Variants in OLFML2A observed in about 807,000 individuals in gnomAD.
The protein encoded by OLFML2A is olfactomedin-like protein 2A.
OLFML2A carries 47 observed loss-of-function variants against 60.9 expected under a neutral mutation model. The observed-to-expected ratio is 0.77, with a 90% CI of 0.61 to 0.98. The LOEUF is 0.98. OLFML2A is among the 50% of genes least tolerant of loss of function. OLFML2A has a pLI of 0.00. For missense variants in OLFML2A, 922 were observed against 879.8 expected (o/e 1.05, Z -0.61); for synonymous variants, 372 against 375.0 (o/e 0.99, Z 0.09).
rs750733365 is a variant in OLFML2A, at chr9:124,784,943, G to GT, written c.91-2004dup. On this transcript the variant is annotated intron_variant, in intron 1 of 7. Coordinates refer to ENST00000373580, the MANE Select transcript of OLFML2A (RefSeq NM_182487.4). ...AATCAGTACTGCATTCCTTTTACTT[G>GT]TTTTTTTTTTTTTTTTTTTTTTTTT... 6.3e-3 allele frequency among the ~76,000 whole-genome samples: 439 copies of GT among 69,544 alleles called. 114 individuals carry two copies. The highest frequency in any genetic ancestry group is 0.012 in the Middle Eastern group (1 of 84). The allele number at this position is 69,544 out of a possible 152,430, so 45.6% of individuals were successfully genotyped here.
chr9:124,798,025 C>G (rs1024718019), intron 3 of OLFML2A, among the ~76,000 whole-genome samples: 3 of 152,070 alleles, frequency 2.0e-5, no homozygotes, highest in African/African-American at 7.2e-5. Context: ...GGAGAGGAGC[C>G]GGCACGGCCC....
At chr9:124,778,175 C>T (rs540869734) in intron 1 of OLFML2A, among the ~76,000 whole-genome samples, 1 of 151,438 alleles carries the variant, frequency 6.6e-6, no homozygotes, top group Non-Finnish European at 1.5e-5. Flanking sequence ...CTGGCTAACA[C>T]GGTGAAACCC....
chr9:124,797,977 G>T (rs1304732291), intron 3 of OLFML2A, among the ~76,000 whole-genome samples: 1 of 152,192 alleles, frequency 6.6e-6, no homozygotes, highest in African/African-American at 2.4e-5. Flanking sequence ...GGCAGGGAAG[G>T]AGAACAGCCC....
chr9:124,797,944 A>G (rs1305347466), intron 3 of OLFML2A, among the ~76,000 whole-genome samples: 2 of 152,220 alleles, frequency 1.3e-5, no homozygotes, highest in South Asian at 2.1e-4. Context: ...GCAAGGAGCC[A>G]GAGCCCCAGC....
rs186927508 is a variant in OLFML2A at position 124,800,321 on chromosome 9, G to C, written c.669+830G>C. 4.4e-3 allele frequency among the ~76,000 whole-genome samples: 677 copies of C among 152,322 alleles called. 6 individuals are homozygous for C. The highest frequency in any genetic ancestry group is 0.015 in the African/African-American group (614 of 41,574). On this transcript the variant is annotated intron_variant, in intron 4 of 7. Transcript: ENST00000373580. ...GTTCACACTGGCCTTGTGTTTTGGT[G>C]AGTGGCTGAAGAAGGGAGCTGACAT... is the stretch of plus-strand genomic sequence containing the variant.
In OLFML2A at chr9:124,805,808, GTTTTTTTTTTT is replaced by G. The variant is rs59555267; in HGVS notation, c.1168+1481_1168+1491del. Among the ~76,000 whole-genome samples the G allele has an allele frequency of 7.2e-3, 516 of 71,348 alleles. 5 individuals carry two copies. Among genetic ancestry groups the G allele is most frequent in the African/African-American group, 0.026 (487 of 18,664 alleles). 46.8% of individuals were successfully genotyped at this position (71,348 alleles called of 152,430 possible). On this transcript the variant is annotated intron_variant, in intron 6 of 7. Coordinates refer to ENST00000373580, the MANE Select transcript of OLFML2A (RefSeq NM_182487.4). ...TGTTGTTGTTGTTTTGGTTTTTTTG[GTTTTTTTTTTT>G]TTTTTTTTTTTTTTGAGACGGAGTC...
intron 1 of OLFML2A, among the ~76,000 whole-genome samples, chr9:124,778,275 G>A (rs1841296407): frequency 6.6e-6 from 1 of 151,926 alleles, no homozygotes; most frequent in Non-Finnish European, 1.5e-5. Flanking sequence ...GTAGGAGAAT[G>A]GCGTGAACCC....
intron 4 of OLFML2A, among the ~76,000 whole-genome samples, chr9:124,800,324 T>C (rs1841749773): frequency 6.6e-6 from 1 of 152,190 alleles, no homozygotes; most frequent in Non-Finnish European, 1.5e-5. Flanking sequence ...TTTTGGTGAG[T>C]GGCTGAAGAA....
intron 1 of OLFML2A, among the ~76,000 whole-genome samples, chr9:124,780,776 A>G (rs1188076178): frequency 6.6e-6 from 1 of 152,188 alleles, no homozygotes. Context: ...TACATGCAGA[A>G]TCTTACACAT....
At chr9:124,804,444 C>G in intron 6 of OLFML2A, 102 bp downstream of exon 6, 1 of 1,205,112 alleles carries the variant, frequency 8.3e-7, no homozygotes, top group South Asian at 1.5e-5. Context: ...CTTTTTATAG[C>G]TGAGCATGGT....
At chr9:124,806,447 T>C (rs1841898187) in intron 6 of OLFML2A, among the ~76,000 whole-genome samples, 1 of 152,028 alleles carries the variant, frequency 6.6e-6, no homozygotes, top group African/African-American at 2.4e-5. Flanking sequence ...GCAATCAAAA[T>C]TCAAGTATAC....
intron 1 of OLFML2A, 103 bp from the exon 2 acceptor site, chr9:124,786,872 C>A: frequency 7.9e-7 from 1 of 1,260,978 alleles, no homozygotes; most frequent in Non-Finnish European, 1.1e-6. Context: ...CACTCTCATC[C>A]CAAGGCTGGC....
chr9:124,778,150 G>A (rs1424362384), intron 1 of OLFML2A, among the ~76,000 whole-genome samples: 2 of 151,492 alleles, frequency 1.3e-5, no homozygotes, highest in Non-Finnish European at 2.9e-5. Flanking sequence ...ACAAGGTCAG[G>A]AGATCGAGAC....
chr9:124,786,876 G>C, intron 1 of OLFML2A, 99 bp from the exon 2 acceptor site: 1 of 1,300,932 alleles, frequency 7.7e-7, no homozygotes, highest in Admixed American at 1.9e-5. Flanking sequence ...CTCATCCCAA[G>C]GCTGGCTGGC....
At position 124,804,234 on chromosome 9, in the gene OLFML2A, A is replaced by T; in HGVS notation, c.1060A>T (p.Thr354Ser). 1 of 1,612,914 alleles carries T rather than the reference A, an allele frequency of 6.2e-7. No homozygotes were observed. Among genetic ancestry groups the T allele is most frequent in the Non-Finnish European group, 8.5e-7 (1 of 1,179,688 alleles). Residue 354 changes from threonine (T) to serine (S), a missense_variant, in exon 6 of 8, where the codon ACC (threonine) becomes TCC (serine). Transcript: ENST00000373580. ...CGAGCGAGTGGACCTGGCTTCTGGC[A>T]CCCCCACTTCAATCCCTGCCACCAC... The part of the protein sequence containing the change: ...SSERVDLASG[T>S]PTSIPATTTT...
chr9:124,786,757 C>G (rs1203978667), intron 1 of OLFML2A, among the ~76,000 whole-genome samples: 2 of 106,584 alleles, frequency 1.9e-5, no homozygotes, highest in African/African-American at 1.2e-4. Context: ...TAGACACACA[C>G]ACACACACAC....
Position 124,801,627 on chromosome 9 carries a change from A to G in OLFML2A, c.883A>G (p.Lys295Glu). Residue 295 changes from lysine (K) to glutamate (E), a missense_variant, in exon 5 of 8, where the codon AAG becomes GAG. Coordinates refer to ENST00000373580, the MANE Select transcript of OLFML2A (RefSeq NM_182487.4). ...TGTGATCCGGGGCTTCACCTACTAC[A>G]AGGCAGGCAAGCAGGAGGTGACCGA... ...QAVIRGFTYY[K>E]AGKQEVTEAV... The G allele has an allele frequency of 2.5e-6, 4 of 1,613,632 alleles. No individual in the cohort carries two copies. Among genetic ancestry groups the G allele is most frequent in the Non-Finnish European group, 3.4e-6 (4 of 1,179,932 alleles).
Position 124,777,716 on chromosome 9 carries a change from G to A in OLFML2A, c.90+356G>A, listed in dbSNP as rs1442031060. ...CTGTTACCCAACGACTCCCAGGCTT[G>A]CAGCAAGCCCTGGGCCACGGCTTTC... On this transcript the variant is annotated intron_variant, in intron 1 of 7. Transcript: ENST00000373580. The surrounding 1 kb of genome is among the most constrained non-coding windows in gnomAD (Gnocchi z 6.2). Among the ~76,000 whole-genome samples the A allele has an allele frequency of 6.6e-6, 1 of 152,134 alleles. No individual in the cohort carries two copies. The highest frequency in any genetic ancestry group is 2.4e-5 in the African/African-American group (1 of 41,436).
At chr9:124,783,486 G>T (rs1011654892) in intron 1 of OLFML2A, among the ~76,000 whole-genome samples, 2 of 152,094 alleles carry the variant, frequency 1.3e-5, no homozygotes. Context: ...ATAATAATAA[G>T]AAGAATACTT....
Sources: allele counts gnomAD v4.1 joint callset (sites outside exome capture counted in the v4.1 genomes callset), GRCh38; gene constraint gnomAD v4.1.1; non-coding constraint Gnocchi (gnomAD v3.1); transcripts MANE v1.5; gene names NCBI Gene and HGNC (gene_info 2026-07-23, HGNC 2026-07-21).